The following TANC1 variants were observed in gnomAD, a reference collection of about 807,000 sequenced individuals.
The protein encoded by TANC1 is tetratricopeptide repeat, ankyrin repeat and coiled-coil containing 1.
In TANC1, 77 loss-of-function variants were observed where a neutral mutation model predicts 149.7. The observed-to-expected ratio is 0.51, with a 90% confidence interval of 0.43 to 0.62. TANC1 has a LOEUF of 0.62. Ranked by LOEUF, TANC1 falls within the 20% of genes least tolerant of loss-of-function variation. TANC1 has a pLI of 0.00. For missense variants in TANC1, 1,985 were observed against 2,321.8 expected (o/e 0.85, Z 2.98); for synonymous variants, 854 against 925.0 (o/e 0.92, Z 1.39).
chr2:159,085,448 T>G (rs1412804302), intron 3 of TANC1, among the ~76,000 whole-genome samples: 1 of 152,190 alleles, frequency 6.6e-6, no homozygotes, highest in Non-Finnish European at 1.5e-5. Flanking sequence ...GCTTAAGAAC[T>G]GCCAGCTTGA....
At chr2:159,041,621 G>C (rs111625335) in intron 2 of TANC1, among the ~76,000 whole-genome samples, 3,731 of 152,320 alleles carry the variant, frequency 0.024, 147 homozygotes, top group African/African-American at 0.085. Flanking sequence ...CTGGTGTGCC[G>C]TTTGCTAAGA....
intron 2 of TANC1, among the ~76,000 whole-genome samples, chr2:159,031,386 G>A (rs2039770537): frequency 6.6e-6 from 1 of 152,196 alleles, no homozygotes; most frequent in South Asian, 2.1e-4. Context: ...AAATAGAGAG[G>A]TTTTTAGTGT....
rs1444750082 is a variant in TANC1 at position 159,230,478 on chromosome 2, G to A, written c.5052G>A (p.Ser1684=). The A allele has an allele frequency of 1.7e-5, 28 of 1,614,016 alleles. No individual in the cohort carries two copies. The highest frequency in any genetic ancestry group is 2.3e-5 in the Non-Finnish European group (27 of 1,180,048). Residue 1684 remains serine, a synonymous_variant, in exon 27 of 27, where the codon TCG becomes TCA. Transcript: ENST00000263635. This position sits in a 1 kb window ranked among gnomAD's most constrained non-coding sequence, Gnocchi z 4.4. The part of the protein sequence containing the change: ...KMSSSTSSLT[S]SSSFSDGFKV... ...CAAGTTCAACCAGTAGTTTGACTTC[G>A]AGCAGCAGTTTTTCAGATGGCTTCA...
intron 2 of TANC1, chr2:159,004,239 C>G: frequency 2.5e-6 from 4 of 1,612,208 alleles, no homozygotes; most frequent in Non-Finnish European, 3.4e-6. Flanking sequence ...AGCACCAAAA[C>G]CAGAAGACAT....
At chr2:159,108,110 C>T (rs1192644142) in intron 4 of TANC1, among the ~76,000 whole-genome samples, 5 of 152,136 alleles carry the variant, frequency 3.3e-5, no homozygotes, top group Non-Finnish European at 5.9e-5. Flanking sequence ...TACTAATGGA[C>T]GCATAGGCAA....
intron 4 of TANC1, among the ~76,000 whole-genome samples, chr2:159,101,078 C>T (rs1477534340): frequency 6.6e-6 from 1 of 152,218 alleles, no homozygotes; most frequent in Non-Finnish European, 1.5e-5. Context: ...ATCATTCAGA[C>T]ATGTGCTCCG....
At chr2:159,017,582 C>G (rs2038404384) in intron 2 of TANC1, among the ~76,000 whole-genome samples, 1 of 151,874 alleles carries the variant, frequency 6.6e-6, no homozygotes, top group Non-Finnish European at 1.5e-5. Flanking sequence ...GTGTGTGTGT[C>G]TCAGGTTAAT....
At chr2:159,106,909 T>G (rs2047240869) in intron 4 of TANC1, among the ~76,000 whole-genome samples, 1 of 152,272 alleles carries the variant, frequency 6.6e-6, no homozygotes, top group Admixed American at 6.5e-5. Context: ...GTGAAAATTG[T>G]TTTTATATTC....
At chr2:159,139,919 A>G (rs1355147197) in intron 5 of TANC1, among the ~76,000 whole-genome samples, 2 of 152,160 alleles carry the variant, frequency 1.3e-5, no homozygotes, top group Non-Finnish European at 2.9e-5. Flanking sequence ...ATAGAGGATT[A>G]AAGAGGTATA....
chr2:159,061,072 A>G (rs1023928582), intron 2 of TANC1, among the ~76,000 whole-genome samples: 2 of 152,166 alleles, frequency 1.3e-5, no homozygotes, highest in African/African-American at 4.8e-5. Context: ...AGAATATGTG[A>G]CATTTGGAAA....
intron 1 of TANC1, among the ~76,000 whole-genome samples, chr2:158,996,384 C>A (rs1263513475): frequency 6.6e-6 from 1 of 152,182 alleles, no homozygotes; most frequent in Non-Finnish European, 1.5e-5. Context: ...TTGGTATATG[C>A]CTTCCTTAAC....
intron 2 of TANC1, among the ~76,000 whole-genome samples, chr2:159,012,726 G>A (rs2037888836): frequency 6.6e-6 from 1 of 152,282 alleles, no homozygotes; most frequent in South Asian, 2.1e-4. Context: ...ACTTAGAGTG[G>A]ATGTTGGGAT....
In TANC1 at chr2:159,199,031, C is replaced by T. The variant is rs756532058; in HGVS notation, c.3222C>T (p.Thr1074=). 9 of 1,613,672 alleles carry T rather than the reference C, an allele frequency of 5.6e-6. No individual in the cohort carries two copies. In the East Asian group the frequency reaches 6.7e-5, roughly 12 times the overall value. Reference sequence around the variant, plus strand: ...AACATGAAGTAGAAGTCAATGGCACCGACACATTGTGGGGAGAAACAGGTA... The same window carrying T: ...AACATGAAGTAGAAGTCAATGGCACTGACACATTGTGGGGAGAAACAGGTA... ...EKEHEVEVNG[T]DTLWGETALT... The change falls in exon 19 of 27, where the codon ACC becomes ACT. Residue 1074 remains threonine, a synonymous_variant. Coordinates refer to ENST00000263635, the MANE Select transcript of TANC1 (RefSeq NM_033394.3).
chr2:159,165,799 A>G (rs187654083), intron 8 of TANC1, among the ~76,000 whole-genome samples: 1 of 152,214 alleles, frequency 6.6e-6, no homozygotes, highest in Non-Finnish European at 1.5e-5. Flanking sequence ...GCATATGAGG[A>G]TTGGCAGGTA....
At chr2:159,054,039 G>A (rs2041665786) in intron 2 of TANC1, among the ~76,000 whole-genome samples, 1 of 152,062 alleles carries the variant, frequency 6.6e-6, no homozygotes, top group African/African-American at 2.4e-5. Context: ...GGAGTGAAGT[G>A]TGTGTGAGCC....
chr2:159,210,576 G>GT (rs941347835), intron 19 of TANC1, among the ~76,000 whole-genome samples: 417 of 150,396 alleles, frequency 2.8e-3, no homozygotes, highest in African/African-American at 8.6e-3. Flanking sequence ...TTTGTTTTTT[G>GT]TTTTTTTTTG....
chr2:159,048,437 C>G (rs2041232337), intron 2 of TANC1, among the ~76,000 whole-genome samples: 1 of 152,194 alleles, frequency 6.6e-6, no homozygotes, highest in Admixed American at 6.5e-5. Flanking sequence ...TAGGATCATG[C>G]TGCTCGCCCT....
intron 2 of TANC1, among the ~76,000 whole-genome samples, chr2:159,057,315 G>A (rs1234419630): frequency 6.6e-6 from 1 of 152,186 alleles, no homozygotes; most frequent in Non-Finnish European, 1.5e-5. Flanking sequence ...AGACAAAATG[G>A]AGGCATGAAT....
At chr2:159,116,695 GTGGTCCAATTTGGCCCC>G (rs2150061487) in intron 4 of TANC1, among the ~76,000 whole-genome samples, 1 of 152,316 alleles carries the variant, frequency 6.6e-6, no homozygotes, top group Non-Finnish European at 1.5e-5. Context: ...AAAACACTCA[GTGGTCCAATTTGGCCCC>G]TGGGCTGTAG....
Sources: gnomAD v4.1 joint callset for allele counts (sites outside exome capture counted in the v4.1 genomes callset) on GRCh38, gnomAD v4.1.1 for gene constraint, Gnocchi (gnomAD v3.1) non-coding constraint, MANE v1.5 for transcripts, NCBI Gene and HGNC (gene_info 2026-07-23, HGNC 2026-07-21) for gene names.